HERC4: variants seen among roughly 807,000 people sequenced by gnomAD.
HERC4 encodes probable E3 ubiquitin-protein ligase HERC4.
Under a neutral mutation model 124.3 loss-of-function variants are expected in HERC4, and 28 were observed. The observed-to-expected ratio is 0.23, with a 90% confidence interval of 0.17 to 0.31. HERC4 has a LOEUF of 0.31. Among genes scored for constraint, HERC4 ranks in the 10% least tolerant of loss-of-function variants. The pLI is 1.00. For synonymous variants in HERC4, 407 were observed against 421.5 expected (o/e 0.97, Z 0.42); for missense variants, 713 against 1,229.3 (o/e 0.58, Z 6.28).
At chr10:68,061,425 C>T (rs1227574922) in intron 3 of HERC4, among the ~76,000 whole-genome samples, 2 of 146,180 alleles carry the variant, frequency 1.4e-5, no homozygotes, top group Non-Finnish European at 1.5e-5. Flanking sequence ...CCCAGCTAAT[C>T]GGGAGGCTGA....
intron 3 of HERC4, among the ~76,000 whole-genome samples, chr10:68,064,797 C>T (rs2041219028): frequency 1.3e-5 from 2 of 151,542 alleles, no homozygotes; most frequent in African/African-American, 4.8e-5. Context: ...ATGGTGAAAC[C>T]TTGTTTCTAC....
At chr10:68,002,879 C>T (rs1384391412) in intron 9 of HERC4, among the ~76,000 whole-genome samples, 1 of 151,722 alleles carries the variant, frequency 6.6e-6, no homozygotes, top group East Asian at 1.9e-4. Context: ...GGATTACAAG[C>T]CTGAGCCACC....
intron 7 of HERC4, among the ~76,000 whole-genome samples, chr10:68,026,524 T>C (rs191033774): frequency 9.6e-4 from 146 of 152,112 alleles, no homozygotes; most frequent in African/African-American, 3.1e-3. Context: ...CTGGCCAACA[T>C]GGTGAAACTC....
chr10:67,998,218 C>T (rs2037008751), intron 9 of HERC4, among the ~76,000 whole-genome samples: 1 of 150,182 alleles, frequency 6.7e-6, no homozygotes, highest in African/African-American at 2.4e-5. Flanking sequence ...TTTTAAGAAA[C>T]CCCAAAAGTT....
At chr10:67,941,842 G>A (rs1026181050) in intron 19 of HERC4, among the ~76,000 whole-genome samples, 2 of 151,970 alleles carry the variant, frequency 1.3e-5, no homozygotes, top group Admixed American at 6.6e-5. Flanking sequence ...TTTTAGTAGA[G>A]ACTGGGTTTC....
intron 16 of HERC4, chr10:67,959,096 T>C: frequency 1.3e-6 from 2 of 1,596,826 alleles, no homozygotes; most frequent in East Asian, 2.3e-5. Context: ...ACATGAGCTT[T>C]ATTACACCAA....
intron 16 of HERC4, among the ~76,000 whole-genome samples, chr10:67,957,605 G>C (rs1340739489): frequency 1.3e-5 from 2 of 152,080 alleles, no homozygotes; most frequent in Non-Finnish European, 2.9e-5. Flanking sequence ...TTTTAATAGT[G>C]CAGTAAAATA....
At chr10:67,967,532 C>T (rs1436109205) in intron 15 of HERC4, among the ~76,000 whole-genome samples, 6 of 151,978 alleles carry the variant, frequency 3.9e-5, no homozygotes, top group African/African-American at 1.5e-4. Context: ...TATCTGGACA[C>T]GATGTGAAAA....
intron 19 of HERC4, among the ~76,000 whole-genome samples, chr10:67,943,570 G>GCTTTAT (rs2033092294): frequency 1.3e-5 from 2 of 152,198 alleles, no homozygotes; most frequent in Non-Finnish European, 2.9e-5. Flanking sequence ...TATTAGAGTG[G>GCTTTAT]GGTTGAAACT....
chr10:68,039,548 T>C (rs2039656759), intron 4 of HERC4: 3 of 1,540,338 alleles, frequency 1.9e-6, no homozygotes, highest in Non-Finnish European at 2.6e-6. Context: ...CATATTATTG[T>C]ATTAAAAATA....
intron 9 of HERC4, among the ~76,000 whole-genome samples, chr10:68,006,348 C>T (rs538163191): frequency 7.9e-5 from 12 of 151,146 alleles, no homozygotes; most frequent in Admixed American, 2.0e-4. Flanking sequence ...GTTGATGAAA[C>T]GCCTCAGCGT....
chr10:67,976,623 G>C (rs928092816), intron 15 of HERC4, among the ~76,000 whole-genome samples: 1 of 152,006 alleles, frequency 6.6e-6, no homozygotes, highest in African/African-American at 2.4e-5. Context: ...CATAGCACCT[G>C]GTTTCAACTT....
Position 68,059,733 on chromosome 10 carries a change from CATA to C in HERC4, c.226+13147_226+13149del, listed in dbSNP as rs1397774123. ...TATCATAATATTATATATTATATAT[CATA>C]ATATTATATATTATAATATTATATA... On this transcript the variant is annotated intron_variant, in intron 3 of 24. Coordinates refer to ENST00000373700, the MANE Select transcript of HERC4 (RefSeq NM_015601.4). Among the ~76,000 whole-genome samples, 66 of 38,400 alleles carry C rather than the reference CATA, an allele frequency of 1.7e-3. 5 individuals carry two copies. In the South Asian group the frequency reaches 0.02, roughly 12 times the overall value. The allele number at this position is 38,400 out of a possible 152,430, so 25.2% of individuals were successfully genotyped here.
At chr10:68,074,039 T>C (rs1164129060) in intron 1 of HERC4, 8 of 152,182 alleles carry the variant, frequency 5.3e-5, no homozygotes, top group Admixed American at 5.2e-4. Flanking sequence ...TATTTAAAGA[T>C]TGGCGGGGGG....
At chr10:67,960,647 T>A (rs943949111) in intron 16 of HERC4, 1 of 161,252 alleles carries the variant, frequency 6.2e-6, no homozygotes, top group Non-Finnish European at 1.3e-5. Context: ...CCTCCCAAAG[T>A]GCTGGGATTA....
chr10:68,069,412 T>C, intron 3 of HERC4: 2 of 985,194 alleles, frequency 2.0e-6, no homozygotes, highest in Non-Finnish European at 2.4e-6. Context: ...GAAAAGGACA[T>C]ACATATACAA....
chr10:68,054,986 G>A (rs1002090696), intron 3 of HERC4, among the ~76,000 whole-genome samples: 7 of 151,884 alleles, frequency 4.6e-5, no homozygotes, highest in Non-Finnish European at 7.4e-5. Flanking sequence ...GCAGTGGCAC[G>A]ATCTCGGCTC....
intron 7 of HERC4, among the ~76,000 whole-genome samples, chr10:68,027,861 C>G (rs1412379889): frequency 6.6e-6 from 1 of 151,512 alleles, no homozygotes; most frequent in Non-Finnish European, 1.5e-5. Flanking sequence ...AGATGGAAGC[C>G]TGAAGTGAGC....
intron 9 of HERC4, among the ~76,000 whole-genome samples, chr10:67,996,953 A>C (rs986883764): frequency 6.6e-6 from 1 of 151,978 alleles, no homozygotes; most frequent in Non-Finnish European, 1.5e-5. Flanking sequence ...GCTCCACTAC[A>C]CTCTAGCCTG....
Sources: gnomAD v4.1 joint callset for allele counts (sites outside exome capture counted in the v4.1 genomes callset) on GRCh38, gnomAD v4.1.1 for gene constraint, MANE v1.5 for transcripts, NCBI Gene and HGNC (gene_info 2026-07-23, HGNC 2026-07-21) for gene names.